The following EXT1 variants were observed in gnomAD, a reference collection of about 807,000 sequenced individuals.
EXT1 encodes the protein exostosin-1.
EXT1 carries 20 observed loss-of-function variants against 82.5 expected under a neutral mutation model. That is an observed-to-expected ratio of 0.24 (90% CI 0.17 to 0.35). The LOEUF is 0.35. EXT1 is among the 10% of genes least tolerant of loss of function. The pLI, the probability that EXT1 is intolerant of heterozygous loss-of-function variation, is 1.00. For synonymous variants in EXT1, 348 were observed against 350.8 expected, an observed-to-expected ratio of 0.99 and a Z score of 0.09; for missense variants, 757 against 936.5, an observed-to-expected ratio of 0.81 and a Z score of 2.50.
chr8:117,973,577 T>C (rs918565422), intron 1 of EXT1, among the ~76,000 whole-genome samples: 2 of 152,022 alleles, frequency 1.3e-5, no homozygotes, highest in African/African-American at 4.8e-5. Context: ...AAGATCAGTC[T>C]GGGCAACATA....
intron 1 of EXT1, among the ~76,000 whole-genome samples, chr8:118,043,108 T>A (rs574546094): frequency 4.7e-4 from 72 of 152,324 alleles, no homozygotes; most frequent in African/African-American, 1.7e-3. Flanking sequence ...CAGATCAGCC[T>A]GCCCACCCAC....
chr8:117,932,601 T>C (rs1288339107), intron 1 of EXT1, among the ~76,000 whole-genome samples: 5 of 152,148 alleles, frequency 3.3e-5, no homozygotes, highest in Admixed American at 6.5e-5. Context: ...CCACACTCAC[T>C]TCCCTCCACC....
At chr8:117,987,490 C>A (rs1429164219) in intron 1 of EXT1, among the ~76,000 whole-genome samples, 3 of 152,218 alleles carry the variant, frequency 2.0e-5, no homozygotes, top group Non-Finnish European at 4.4e-5. Context: ...TCGTGGCTCA[C>A]AGCCTAGCAC....
chr8:117,835,738 G>A (rs1812179452), intron 2 of EXT1, among the ~76,000 whole-genome samples, 187 bp from the exon 3 acceptor site: 1 of 152,304 alleles, frequency 6.6e-6, no homozygotes, highest in South Asian at 2.1e-4. Context: ...TACGTATCCA[G>A]ACTAGATTTT....
chr8:117,952,611 A>T (rs971562603), intron 1 of EXT1, among the ~76,000 whole-genome samples: 2 of 152,138 alleles, frequency 1.3e-5, no homozygotes, highest in South Asian at 2.1e-4. Flanking sequence ...AAAACACAAA[A>T]ATTAGCTGGG....
chr8:117,902,675 A>G (rs1586274832), intron 1 of EXT1, among the ~76,000 whole-genome samples: 1 of 152,312 alleles, frequency 6.6e-6, no homozygotes, highest in East Asian at 1.9e-4. Flanking sequence ...ACCTGCTACA[A>G]CCTCCAGTAA....
At chr8:117,878,142 C>A (rs1438784167) in intron 1 of EXT1, among the ~76,000 whole-genome samples, 1 of 152,142 alleles carries the variant, frequency 6.6e-6, no homozygotes, top group Non-Finnish European at 1.5e-5. Context: ...GGCGTGGTGG[C>A]AGGCACCTGT....
intron 1 of EXT1, among the ~76,000 whole-genome samples, chr8:117,989,295 A>G (rs914351990): frequency 6.7e-6 from 1 of 150,168 alleles, no homozygotes. Flanking sequence ...AAGCCACATT[A>G]CTATGGTCTG....
At chr8:117,880,261 C>CA (rs1384970963) in intron 1 of EXT1, among the ~76,000 whole-genome samples, 1 of 152,216 alleles carries the variant, frequency 6.6e-6, no homozygotes, top group Non-Finnish European at 1.5e-5. Context: ...ACCAAATCAA[C>CA]AAATGGTCAA....
chr8:117,912,105 G>A lies in EXT1; in HGVS notation c.963-74904C>T, dbSNP rs116158564. On this transcript the variant is annotated intron_variant, in intron 1 of 10. Coordinates refer to ENST00000378204, the MANE Select transcript of EXT1 (RefSeq NM_000127.3). ...AGAAAAAAAGACTATTGAAGACAAGGTGTTAGAAATGAGGCACGATGGCTC... is the reference window on the plus strand; with the variant it reads ...AGAAAAAAAGACTATTGAAGACAAGATGTTAGAAATGAGGCACGATGGCTC... 3.3e-3 allele frequency among the ~76,000 whole-genome samples: 497 copies of A among 152,268 alleles called. 3 individuals carry two copies. The highest frequency in any genetic ancestry group is 0.011 in the African/African-American group (450 of 41,554).
chr8:117,834,246 A>T (rs1223758810), intron 3 of EXT1, among the ~76,000 whole-genome samples: 1 of 152,178 alleles, frequency 6.6e-6, no homozygotes, highest in Non-Finnish European at 1.5e-5. Context: ...TATTTTAGGG[A>T]AAGTGCTGTA....
intron 1 of EXT1, among the ~76,000 whole-genome samples, chr8:117,850,454 T>C (rs139269476): frequency 3.0e-4 from 46 of 152,298 alleles, no homozygotes; most frequent in African/African-American, 1.0e-3. Flanking sequence ...TCCACAAGTG[T>C]TGGTTTTGGA....
intron 1 of EXT1, among the ~76,000 whole-genome samples, chr8:117,880,941 T>C (rs1387370801): frequency 1.3e-5 from 2 of 152,190 alleles, no homozygotes; most frequent in Non-Finnish European, 2.9e-5. Context: ...ATCGACCTAT[T>C]AACCTTTTTA....
intron 1 of EXT1, among the ~76,000 whole-genome samples, chr8:118,008,340 A>G (rs938310605): frequency 1.3e-5 from 2 of 151,660 alleles, no homozygotes; most frequent in African/African-American, 2.4e-5. Context: ...GCTCCCTGCA[A>G]CCTCCACCTC....
chr8:117,994,318 A>C (rs1815493100), intron 1 of EXT1, among the ~76,000 whole-genome samples: 1 of 152,214 alleles, frequency 6.6e-6, no homozygotes, highest in South Asian at 2.1e-4. Flanking sequence ...CTTCATTAAA[A>C]GGACTTGGAT....
intron 1 of EXT1, among the ~76,000 whole-genome samples, chr8:118,003,460 T>G (rs1249096981): frequency 1.2e-4 from 18 of 151,974 alleles, no homozygotes; most frequent in Non-Finnish European, 4.4e-5. Flanking sequence ...CCATTAGAAC[T>G]TTCTGTATAA....
intron 1 of EXT1, among the ~76,000 whole-genome samples, chr8:117,932,131 AGAG>A (rs1814072181): frequency 6.6e-6 from 1 of 152,246 alleles, no homozygotes; most frequent in Admixed American, 6.5e-5. Context: ...GTAGAAAAAT[AGAG>A]TCTCAGGCCA....
At chr8:117,992,210 G>A (rs1369061962) in intron 1 of EXT1, among the ~76,000 whole-genome samples, 1 of 151,894 alleles carries the variant, frequency 6.6e-6, no homozygotes, top group African/African-American at 2.4e-5. Context: ...CAGTGGCTAA[G>A]GTAAACATGG....
chr8:117,991,965 G>C (rs538826874), intron 1 of EXT1, among the ~76,000 whole-genome samples: 1 of 152,238 alleles, frequency 6.6e-6, no homozygotes, highest in Admixed American at 6.5e-5. Flanking sequence ...TACCATCAGG[G>C]TCAAAAACCC....
Sources: gnomAD v4.1 joint callset for allele counts (sites outside exome capture counted in the v4.1 genomes callset) on GRCh38, gnomAD v4.1.1 for gene constraint, MANE v1.5 for transcripts, NCBI Gene and HGNC (gene_info 2026-07-23, HGNC 2026-07-21) for gene names.